The following TBX15 variants were observed in gnomAD, a reference collection of about 807,000 sequenced individuals.
TBX15 encodes the protein T-box transcription factor 15.
In TBX15, 18 loss-of-function variants were observed where a neutral mutation model predicts 53.9. The ratio of observed to expected loss-of-function variants is 0.33; its 90% CI spans 0.23 to 0.49. TBX15 has a LOEUF of 0.49. Among genes scored for constraint, TBX15 ranks in the 20% least tolerant of loss-of-function variants. TBX15 has a pLI of 0.98. For synonymous variants in TBX15, 295 were observed against 278.0 expected, an observed-to-expected ratio of 1.06 and a Z score of -0.61; for missense variants, 692 against 749.5, an observed-to-expected ratio of 0.92 and a Z score of 0.90.
intron 6 of TBX15, among the ~76,000 whole-genome samples, chr1:118,905,356 A>G (rs1353070894): frequency 6.6e-6 from 1 of 152,252 alleles, no homozygotes; most frequent in African/African-American, 2.4e-5. Flanking sequence ...AAAGCCACAG[A>G]TAACAAAATG....
chr1:118,886,135 G>A (rs1229506756), intron 7 of TBX15, among the ~76,000 whole-genome samples: 2 of 152,154 alleles, frequency 1.3e-5, no homozygotes, highest in East Asian at 3.9e-4. Context: ...TCACATAAAA[G>A]ACATTGGGAA....
chr1:118,983,982 A>G (rs367745905), intron 1 of TBX15, among the ~76,000 whole-genome samples: 50 of 152,380 alleles, frequency 3.3e-4, no homozygotes, highest in Middle Eastern at 3.4e-3. Context: ...GGAGGTTGGT[A>G]GAGAGGTGAT....
At chr1:118,901,445 A>T (rs1366315823) in intron 6 of TBX15, 2 of 455,882 alleles carry the variant, frequency 4.4e-6, no homozygotes, top group Non-Finnish European at 8.8e-6. Flanking sequence ...AGTTTGGAAC[A>T]CATAAACTTT....
At chr1:118,954,793 A>C (rs1173845558) in intron 1 of TBX15, among the ~76,000 whole-genome samples, 1 of 152,204 alleles carries the variant, frequency 6.6e-6, no homozygotes, top group Non-Finnish European at 1.5e-5. Context: ...GATTTCCCTA[A>C]TCCAAATGTT....
At chr1:118,973,454 A>C (rs1657305077) in intron 1 of TBX15, among the ~76,000 whole-genome samples, 1 of 152,098 alleles carries the variant, frequency 6.6e-6, no homozygotes. Flanking sequence ...TGGGCAAAAA[A>C]AAAAAGCCCT....
chr1:118,956,197 C>A (rs1268346436), intron 1 of TBX15, among the ~76,000 whole-genome samples: 1 of 152,092 alleles, frequency 6.6e-6, no homozygotes, highest in Non-Finnish European at 1.5e-5. Context: ...TGTTTATAAG[C>A]TACTCAGTTC....
rs1233933013 is a variant in TBX15, at chr1:118,924,805, A to G, written c.534T>C (p.His178=). ...VDNKRYRYVY[H]SSKWMVAGNA... is the part of the protein sequence containing the mutation. ...TGCCAGCCACCATCCACTTGGAGCT[A>G]TGATACACATATCTGAGATAAAGAG... The change falls in exon 4 of 8, where the codon CAT becomes CAC. Residue 178 remains histidine (H), a synonymous_variant. Transcript: ENST00000369429. 1 of 1,614,070 alleles carries G rather than the reference A, an allele frequency of 6.2e-7. No individual in the cohort carries two copies. The highest frequency in any genetic ancestry group is 2.2e-5 in the East Asian group (1 of 44,870).
intron 5 of TBX15, among the ~76,000 whole-genome samples, chr1:118,915,568 T>C (rs1301317931): frequency 6.6e-6 from 1 of 152,078 alleles, no homozygotes; most frequent in East Asian, 1.9e-4. Flanking sequence ...ATAGCAGGAG[T>C]CTAAAGGTTT....
chr1:118,928,690 AAGAG>A (rs1428890430), intron 2 of TBX15, among the ~76,000 whole-genome samples: 1 of 152,216 alleles, frequency 6.6e-6, no homozygotes, highest in Non-Finnish European at 1.5e-5. Flanking sequence ...TATTACACGA[AAGAG>A]AGAGATTTCT....
rs183301501 is a variant in TBX15 at position 118,917,308 on chromosome 1, G to A, written c.862-3129C>T. On this transcript the variant is annotated intron_variant, in intron 5 of 7. Coordinates refer to ENST00000369429, the MANE Select transcript of TBX15 (RefSeq NM_001330677.2). ...CTGGAAGCCAATATCCTAAGCAAAC[G>A]AACGCAGGAACAGAAAACCAAACAC... Among the ~76,000 whole-genome samples the A allele has an allele frequency of 2.4e-3, 366 of 152,182 alleles. 1 individual carries two copies. The highest frequency in any genetic ancestry group is 8.2e-3 in the African/African-American group (339 of 41,528).
At chr1:118,986,096 C>G (rs1343684173) in intron 1 of TBX15, among the ~76,000 whole-genome samples, 1 of 152,176 alleles carries the variant, frequency 6.6e-6, no homozygotes, top group Non-Finnish European at 1.5e-5. Flanking sequence ...TTTTTTCCGC[C>G]GTGGGGAAAA....
rs1653804077 is a variant in TBX15 at position 118,883,559 on chromosome 1, G to A, written c.*1173C>T. The A allele has an allele frequency of 6.6e-6, 1 of 152,314 alleles. No homozygotes were observed. The highest frequency in any genetic ancestry group is 2.4e-5 in the African/African-American group (1 of 41,568). The allele number at this position is 152,314 out of a possible 1,614,324, so 9.4% of individuals were successfully genotyped here. ...TCTGGATCCGGCACCTGGAGGCCAG[G>A]CCTCTATTTGTTGCCTCTGCTCTTG... On this transcript the variant is annotated 3_prime_UTR_variant, in exon 8 of 8. Coordinates refer to ENST00000369429, the MANE Select transcript of TBX15 (RefSeq NM_001330677.2).
In TBX15 at chr1:118,894,129, C is replaced by A. The variant is rs115438419; in HGVS notation, c.1024+4899G>T. Among the ~76,000 whole-genome samples, 266 of 152,144 alleles carry A rather than the reference C, an allele frequency of 1.7e-3. 2 individuals carry two copies. The highest frequency in any genetic ancestry group is 2.4e-3 in the Non-Finnish European group (164 of 68,000). On this transcript the variant is annotated intron_variant, in intron 7 of 7. Transcript: ENST00000369429. ...GGAGCCTTCCAGAGAAAGAGAACAA[C>A]GTGGCAGGAAAGAGCACACCATGTT...
chr1:118,890,845 G>T (rs779725774), intron 7 of TBX15: 2 of 1,289,806 alleles, frequency 1.6e-6, no homozygotes, highest in African/African-American at 1.5e-5. Flanking sequence ...GGCTAGTAAA[G>T]AATAAATTTC....
chr1:118,978,511 CT>C (rs1488945782), intron 1 of TBX15, among the ~76,000 whole-genome samples: 1 of 152,152 alleles, frequency 6.6e-6, no homozygotes, highest in East Asian at 1.9e-4. Context: ...AATTTTGAAA[CT>C]TTTTTTCAAC....
chr1:118,924,015 A>G (rs1353579635), intron 4 of TBX15, among the ~76,000 whole-genome samples: 2 of 152,188 alleles, frequency 1.3e-5, no homozygotes, highest in African/African-American at 4.8e-5. Context: ...ATATGTGAAC[A>G]TTATTTTGTT....
At chr1:118,982,342 A>G (rs59689155) in intron 1 of TBX15, among the ~76,000 whole-genome samples, 1,841 of 152,324 alleles carry the variant, frequency 0.012, 39 homozygotes, top group African/African-American at 0.042. Context: ...TCTCAAAGCG[A>G]TCCTCTCATC....
At chr1:118,985,176 T>A (rs1234836667) in intron 1 of TBX15, among the ~76,000 whole-genome samples, 2 of 152,104 alleles carry the variant, frequency 1.3e-5, no homozygotes, top group African/African-American at 2.4e-5. Flanking sequence ...CGGTTTGTTA[T>A]CGGCCTAGGG....
chr1:118,914,645 T>C lies in TBX15; in HGVS notation c.862-466A>G, dbSNP rs187273186. Among the ~76,000 whole-genome samples the C allele has an allele frequency of 2.9e-4, 44 of 152,344 alleles. No individual in the cohort carries two copies. The East Asian group carries it at 8.1e-3, about 28-fold the overall frequency. ...GGTGGAATCAGACCACAAGACAATC[T>C]GCCTTAGCCTGAAAGACCCAAAAAA... On this transcript the variant is annotated intron_variant, in intron 5 of 7. Coordinates refer to ENST00000369429, the MANE Select transcript of TBX15 (RefSeq NM_001330677.2).
Sources: gnomAD v4.1 joint callset for allele counts (sites outside exome capture counted in the v4.1 genomes callset) on GRCh38, gnomAD v4.1.1 for gene constraint, MANE v1.5 for transcripts, NCBI Gene and HGNC (gene_info 2026-07-23, HGNC 2026-07-21) for gene names.